Variants in SPOCK1 observed in about 807,000 individuals in gnomAD.
The protein encoded by SPOCK1 is SPARC (osteonectin), cwcv and kazal like domains proteoglycan 1.
In SPOCK1, 23 loss-of-function variants were observed where a neutral mutation model predicts 55.3. The ratio of observed to expected loss-of-function variants is 0.42; its 90% CI spans 0.30 to 0.59. The LOEUF (loss-of-function observed/expected upper bound fraction) is 0.59, where lower values mean the gene tolerates loss of function less well. Ranked by LOEUF, SPOCK1 falls within the 20% of genes least tolerant of loss-of-function variation. The pLI is 0.22. For missense variants in SPOCK1, 499 were observed against 552.5 expected (o/e 0.90, Z 0.97); for synonymous variants, 226 against 221.0 (o/e 1.02, Z -0.20).
chr5:137,094,398 T>C (rs1170680400), intron 5 of SPOCK1, among the ~76,000 whole-genome samples: 1 of 152,168 alleles, frequency 6.6e-6, no homozygotes, highest in Non-Finnish European at 1.5e-5. Flanking sequence ...AGAAGTATTG[T>C]GGGTTCATTC....
Position 137,458,841 on chromosome 5 carries a change from C to T in SPOCK1, c.186+39532G>A, listed in dbSNP as rs140571265. ...TAAAATAAAATACTATAGAAATACT[C>T]ATGTCAAAATAAATACTAGAAGCAA... On this transcript the variant is annotated intron_variant, in intron 2 of 10. Transcript: ENST00000394945. Among the ~76,000 whole-genome samples the T allele has an allele frequency of 1.1e-3, 173 of 152,308 alleles. 1 individual carries two copies. The highest frequency in any genetic ancestry group is 3.8e-3 in the African/African-American group (156 of 41,564).
At chr5:137,019,614 G>A (rs2126979314) in intron 6 of SPOCK1, among the ~76,000 whole-genome samples, 1 of 152,116 alleles carries the variant, frequency 6.6e-6, no homozygotes, top group African/African-American at 2.4e-5. Flanking sequence ...AATTTTCAAT[G>A]ATTGCTATTT....
intron 2 of SPOCK1, among the ~76,000 whole-genome samples, chr5:137,394,502 C>T (rs931910259): frequency 5.3e-5 from 8 of 152,208 alleles, no homozygotes; most frequent in African/African-American, 1.9e-4. Flanking sequence ...TTGACCTTTT[C>T]TCCAATGTTG....
At chr5:137,001,207 C>T (rs1345308455) in intron 6 of SPOCK1, among the ~76,000 whole-genome samples, 1 of 152,126 alleles carries the variant, frequency 6.6e-6, no homozygotes, top group Non-Finnish European at 1.5e-5. Context: ...CACTTAAGCA[C>T]TCAGCTCCAG....
intron 3 of SPOCK1, among the ~76,000 whole-genome samples, chr5:137,186,861 G>T (rs1755079178): frequency 6.6e-6 from 1 of 152,138 alleles, no homozygotes. Flanking sequence ...GTTCTCACCA[G>T]AGGACCAATG....
chr5:137,028,782 T>C lies in SPOCK1; in HGVS notation c.590-36182A>G, dbSNP rs377699723. Among the ~76,000 whole-genome samples the C allele has an allele frequency of 2.0e-5, 3 of 151,426 alleles. No individual in the cohort carries two copies. In the East Asian group the frequency reaches 5.9e-4, roughly 30 times the overall value. ...TGAGGCTTGGTGGGAACTAAGCCAG[T>C]TTCAAGACATTGACACATCCAGACA... On this transcript the variant is annotated intron_variant, in intron 6 of 10. Transcript: ENST00000394945.
chr5:137,498,544 C>G lies in SPOCK1; in HGVS notation c.15G>C (p.Ala5=). 3.9e-6 allele frequency: 6 copies of G among 1,528,214 alleles called. No individual in the cohort carries two copies. The highest frequency in any genetic ancestry group is 4.4e-6 in the Non-Finnish European group (5 of 1,144,238). 94.7% of individuals were successfully genotyped at this position (1,528,214 alleles called of 1,614,324 possible). A position where few individuals can be genotyped will look rare whatever the true frequency, so the allele number is the denominator to read the frequency against. The part of the protein sequence containing the change: MPAI[A]VLAAAAAAWC... ...ACGCCGCGGCGGCCGCCGCCAACAC[C>G]GCGATCGCCGGCATCTGCGGGGCAG... The change falls in exon 2 of 11, where the codon GCG becomes GCC. Residue 5 remains alanine (A), a synonymous_variant. Transcript: ENST00000394945.
intron 3 of SPOCK1, among the ~76,000 whole-genome samples, chr5:137,213,555 G>A (rs1292836044): frequency 2.0e-5 from 3 of 152,104 alleles, no homozygotes; most frequent in African/African-American, 7.2e-5. Context: ...CAAGGCCAGG[G>A]TCTACCTCTA....
intron 8 of SPOCK1, among the ~76,000 whole-genome samples, chr5:136,987,622 G>A (rs768256848): frequency 9.2e-5 from 14 of 152,088 alleles, no homozygotes; most frequent in Non-Finnish European, 1.9e-4. Context: ...GAATACCCAC[G>A]TTTTTTGTTG....
chr5:137,289,698 A>G (rs976397030), intron 2 of SPOCK1, among the ~76,000 whole-genome samples: 2 of 152,194 alleles, frequency 1.3e-5, no homozygotes, highest in African/African-American at 2.4e-5. Context: ...TTCATAAAGC[A>G]TCTCCCACCT....
chr5:137,106,024 G>A (rs1043546316), intron 5 of SPOCK1, among the ~76,000 whole-genome samples: 5 of 152,128 alleles, frequency 3.3e-5, no homozygotes, highest in African/African-American at 1.2e-4. Flanking sequence ...TGGGAAGTGA[G>A]CAGTCAGCCC....
intron 2 of SPOCK1, among the ~76,000 whole-genome samples, chr5:137,307,436 T>G (rs1339111355): frequency 6.6e-6 from 1 of 152,230 alleles, no homozygotes; most frequent in East Asian, 1.9e-4. Context: ...GCCAACATGT[T>G]CTGCCACACC....
At chr5:137,091,448 G>A (rs1753053904) in intron 5 of SPOCK1, among the ~76,000 whole-genome samples, 1 of 152,230 alleles carries the variant, frequency 6.6e-6, no homozygotes, top group South Asian at 2.1e-4. Flanking sequence ...TCCCTGGGAT[G>A]TATTTGGAGA....
At chr5:137,255,229 C>A (rs548705971) in intron 3 of SPOCK1, among the ~76,000 whole-genome samples, 2 of 152,262 alleles carry the variant, frequency 1.3e-5, no homozygotes, top group South Asian at 4.1e-4. Context: ...CTTCTGAGAA[C>A]CCACAGGAGG....
intron 3 of SPOCK1, among the ~76,000 whole-genome samples, chr5:137,217,162 G>A (rs2127085368): frequency 6.6e-6 from 1 of 152,314 alleles, no homozygotes; most frequent in Admixed American, 6.5e-5. Flanking sequence ...TTTCATTCAT[G>A]TACTGGAGTC....
intron 5 of SPOCK1, among the ~76,000 whole-genome samples, chr5:137,105,630 G>C (rs187748699): frequency 1.3e-5 from 2 of 152,160 alleles, no homozygotes; most frequent in African/African-American, 4.8e-5. Flanking sequence ...GGTAGCAATT[G>C]TTGGAAACTA....
At chr5:137,250,673 G>GA (rs148679285) in intron 3 of SPOCK1, among the ~76,000 whole-genome samples, 10,256 of 152,224 alleles carry the variant, frequency 0.067, 1,056 homozygotes, top group African/African-American at 0.23. Flanking sequence ...AGGACACACG[G>GA]ATGGCTTCAG....
intron 4 of SPOCK1, among the ~76,000 whole-genome samples, chr5:137,121,898 GTTA>G (rs1753692311): frequency 6.9e-6 from 1 of 144,576 alleles, no homozygotes; most frequent in Admixed American, 7.0e-5. Context: ...ATTAGTATAT[GTTA>G]TTATATGTCA....
intron 5 of SPOCK1, among the ~76,000 whole-genome samples, chr5:137,083,518 A>G (rs1395407515): frequency 1.1e-4 from 17 of 152,194 alleles, no homozygotes; most frequent in Non-Finnish European, 1.9e-4. Flanking sequence ...TTGACCACCT[A>G]TTATGGGCTA....
Sources: gnomAD v4.1 joint callset for allele counts (sites outside exome capture counted in the v4.1 genomes callset) on GRCh38, gnomAD v4.1.1 for gene constraint, MANE v1.5 for transcripts, NCBI Gene and HGNC (gene_info 2026-07-23, HGNC 2026-07-21) for gene names.